Variants in PLCB1 observed in about 807,000 individuals in gnomAD.
PLCB1 encodes phospholipase C beta 1.
PLCB1 carries 46 observed loss-of-function variants against 161.8 expected under a neutral mutation model. That is an observed-to-expected ratio of 0.28 (90% CI 0.22 to 0.36). The LOEUF is 0.36. Ranked by LOEUF, PLCB1 falls within the 10% of genes least tolerant of loss-of-function variation. The pLI, the probability that PLCB1 is intolerant of heterozygous loss-of-function variation, is 1.00. For missense variants in PLCB1, 1,016 were observed against 1,472.5 expected (o/e 0.69, Z 5.07); for synonymous variants, 517 against 503.7 (o/e 1.03, Z -0.35).
chr20:8,582,988 C>CAAAA (rs57511588), intron 3 of PLCB1, among the ~76,000 whole-genome samples: 3 of 125,194 alleles, frequency 2.4e-5, no homozygotes, highest in Admixed American at 7.9e-5. Context: ...GACTCCATCT[C>CAAAA]AAAAAAAAAA....
intron 3 of PLCB1, among the ~76,000 whole-genome samples, chr20:8,621,124 G>A (rs1192008939): frequency 6.6e-6 from 1 of 152,198 alleles, no homozygotes; most frequent in African/African-American, 2.4e-5. Context: ...ATAGCTAGAA[G>A]CATTGACCTT....
chr20:8,727,145 A>G (rs138364397), intron 16 of PLCB1, among the ~76,000 whole-genome samples, 164 bp from the exon 17 acceptor site: 3 of 152,140 alleles, frequency 2.0e-5, no homozygotes, highest in Non-Finnish European at 4.4e-5. Flanking sequence ...TGTTACAGGT[A>G]AATAGTGCAC....
At chr20:8,242,786 C>T (rs1260921819) in intron 2 of PLCB1, among the ~76,000 whole-genome samples, 1 of 151,704 alleles carries the variant, frequency 6.6e-6, no homozygotes, top group Non-Finnish European at 1.5e-5. Flanking sequence ...GGCTTTGGGA[C>T]ATAAAGAAAG....
intron 3 of PLCB1, among the ~76,000 whole-genome samples, chr20:8,404,711 C>T (rs1978710856): frequency 6.6e-6 from 1 of 151,960 alleles, no homozygotes; most frequent in Non-Finnish European, 1.5e-5. Flanking sequence ...TAATTCTTCC[C>T]CAGAAATACT....
Position 8,349,017 on chromosome 20 carries a change from CACAT to C in PLCB1, c.178-22359_178-22356del, listed in dbSNP as rs552254271. On this transcript the variant is annotated intron_variant, in intron 2 of 31. Transcript: ENST00000338037. The stretch of plus-strand genomic sequence containing the variant: ...GTATATATATATGTATGTATATACA[CACAT>C]ACATATATATACACACACACATAAA... Among the ~76,000 whole-genome samples, 79 of 152,060 alleles carry C rather than the reference CACAT, an allele frequency of 5.2e-4. 2 individuals carry two copies. In the South Asian group the frequency reaches 6.9e-3, roughly 13 times the overall value.
chr20:8,686,396 T>G (rs2123402883), intron 10 of PLCB1, among the ~76,000 whole-genome samples: 1 of 152,330 alleles, frequency 6.6e-6, no homozygotes, highest in South Asian at 2.1e-4. Context: ...GGGTATTGTG[T>G]GTGATTTTGT....
intron 2 of PLCB1, among the ~76,000 whole-genome samples, chr20:8,167,251 G>C (rs991470581): frequency 2.0e-5 from 3 of 152,164 alleles, no homozygotes; most frequent in African/African-American, 7.2e-5. Flanking sequence ...GGCAGTGCTT[G>C]GCACATTGTA....
chr20:8,784,210 T>C (rs574040292), intron 27 of PLCB1, among the ~76,000 whole-genome samples: 1 of 152,164 alleles, frequency 6.6e-6, no homozygotes, highest in African/African-American at 2.4e-5. Flanking sequence ...TAGACAAAAT[T>C]TAAATAAAAA....
chr20:8,164,959 G>A (rs1283488961), intron 2 of PLCB1, among the ~76,000 whole-genome samples: 3 of 152,204 alleles, frequency 2.0e-5, no homozygotes, highest in Non-Finnish European at 4.4e-5. Flanking sequence ...TCATTTATTT[G>A]AAGGAAGGCA....
chr20:8,845,880 C>G lies in PLCB1; in HGVS notation c.3424-35742C>G, dbSNP rs377063017. On this transcript the variant is annotated intron_variant, in intron 31 of 31. Coordinates refer to ENST00000338037, the MANE Select transcript of PLCB1 (RefSeq NM_015192.4). ...TACAATACGCATTAAGTACGCAATG[C>G]GGACACATTGGAAGATACACCTGGC... Among the ~76,000 whole-genome samples the G allele has an allele frequency of 9.2e-5, 14 of 152,248 alleles. No homozygotes were observed. The East Asian group carries it at 2.5e-3, about 27-fold the overall frequency.
chr20:8,673,067 G>A (rs1989989572), intron 9 of PLCB1, among the ~76,000 whole-genome samples: 1 of 151,930 alleles, frequency 6.6e-6, no homozygotes, highest in South Asian at 2.1e-4. Context: ...AGCCGAGATC[G>A]TGCCACTGCA....
At chr20:8,861,985 T>C (rs1987272471) in intron 31 of PLCB1, among the ~76,000 whole-genome samples, 1 of 152,210 alleles carries the variant, frequency 6.6e-6, no homozygotes, top group Non-Finnish European at 1.5e-5. Flanking sequence ...TTTATTTTAA[T>C]GCAGAAGACT....
intron 3 of PLCB1, among the ~76,000 whole-genome samples, chr20:8,493,175 A>G (rs1348452993): frequency 6.6e-6 from 1 of 152,042 alleles, no homozygotes; most frequent in Non-Finnish European, 1.5e-5. Flanking sequence ...TCCCTGCACC[A>G]TGATTTTCTG....
At chr20:8,662,961 A>G (rs1989722329) in intron 9 of PLCB1, among the ~76,000 whole-genome samples, 1 of 152,086 alleles carries the variant, frequency 6.6e-6, no homozygotes, top group African/African-American at 2.4e-5. Flanking sequence ...GAAAATAAGT[A>G]GGGAAGTTTA....
intron 4 of PLCB1, 65 bp downstream of exon 4, chr20:8,628,496 T>G: frequency 2.6e-6 from 4 of 1,539,830 alleles, no homozygotes; most frequent in Non-Finnish European, 3.6e-6. Context: ...ATCATACTAA[T>G]GCCTGCAAAA....
chr20:8,746,758 T>C (rs1001478091), intron 23 of PLCB1, among the ~76,000 whole-genome samples: 2 of 152,216 alleles, frequency 1.3e-5, no homozygotes, highest in African/African-American at 4.8e-5. Flanking sequence ...TTAAATTGCT[T>C]GCCCTGTGCC....
intron 2 of PLCB1, among the ~76,000 whole-genome samples, chr20:8,295,879 T>C (rs1295947343): frequency 1.3e-5 from 2 of 152,028 alleles, no homozygotes; most frequent in Non-Finnish European, 2.9e-5. Context: ...CTGGCTGATT[T>C]TTTTCTATTT....
chr20:8,446,973 G>A (rs908957962), intron 3 of PLCB1, among the ~76,000 whole-genome samples: 18 of 151,982 alleles, frequency 1.2e-4, no homozygotes, highest in Middle Eastern at 3.2e-3. Context: ...AAGAGGACTC[G>A]GTGATCTGGA....
chr20:8,733,488 T>C (rs1452846401), intron 19 of PLCB1, 96 bp downstream of exon 19: 1 of 1,046,092 alleles, frequency 9.6e-7, no homozygotes, highest in Non-Finnish European at 1.4e-6. Context: ...ATTTAGTAAC[T>C]AGGAAAGATT....
Sources: gnomAD v4.1 joint callset for allele counts (sites outside exome capture counted in the v4.1 genomes callset) on GRCh38, gnomAD v4.1.1 for gene constraint, MANE v1.5 for transcripts, NCBI Gene and HGNC (gene_info 2026-07-23, HGNC 2026-07-21) for gene names.